LOC400499: variants seen among roughly 807,000 people sequenced by gnomAD.
the LOC400499 span, among the ~76,000 whole-genome samples, chr16:11,443,220 A>C: frequency 3.9e-3 from 579 of 149,902 alleles, 3 homozygotes; most frequent in Non-Finnish European, 5.6e-3. Flanking sequence ...GCTACTCGGG[A>C]GGCTGAGGCA....
the LOC400499 span, chr16:11,391,588 G>T: frequency 2.6e-6 from 3 of 1,171,466 alleles, no homozygotes; most frequent in Non-Finnish European, 3.2e-6. Context: ...ACAGGCCAAT[G>T]TGAGCGCTTA....
At chr16:11,501,647 T>A in the LOC400499 span, among the ~76,000 whole-genome samples, 1 of 151,984 alleles carries the variant, frequency 6.6e-6, no homozygotes, top group Non-Finnish European at 1.5e-5. Flanking sequence ...ATTGGGAGTC[T>A]CTTTACCCGC....
chr16:11,411,933 G>A, the LOC400499 span, among the ~76,000 whole-genome samples: 4 of 150,844 alleles, frequency 2.7e-5, no homozygotes, highest in Admixed American at 2.7e-4. Flanking sequence ...TGCCATCTCT[G>A]CTCACTGCAG....
chr16:11,519,579 A>G, the LOC400499 span, among the ~76,000 whole-genome samples: 1 of 152,106 alleles, frequency 6.6e-6, no homozygotes, highest in Non-Finnish European at 1.5e-5. Context: ...TCTATTTTTT[A>G]AAATAAATAA....
chr16:11,383,571 A>C, the LOC400499 span: 7 of 1,223,370 alleles, frequency 5.7e-6, no homozygotes, highest in Non-Finnish European at 6.1e-6. Context: ...AGAGAAAGGG[A>C]CTGGTTTTCC....
the LOC400499 span, among the ~76,000 whole-genome samples, chr16:11,436,525 G>A: frequency 2.0e-5 from 3 of 152,150 alleles, no homozygotes; most frequent in African/African-American, 7.2e-5. Flanking sequence ...CATCTGCAAA[G>A]CAGGTTTAGC....
the LOC400499 span, chr16:11,440,748 G>A: frequency 3.3e-5 from 13 of 398,884 alleles, no homozygotes; most frequent in Admixed American, 1.8e-4. Flanking sequence ...TGTGATTGAC[G>A]GCAGCTCGTG....
At chr16:11,448,033 C>T in the LOC400499 span, 1 of 1,536,036 alleles carries the variant, frequency 6.5e-7, no homozygotes, top group Admixed American at 2.0e-5. Context: ...GCCCTGGGCA[C>T]CAATCCGCAC....
chr16:11,507,978 T>C, the LOC400499 span, among the ~76,000 whole-genome samples: 1 of 152,134 alleles, frequency 6.6e-6, no homozygotes, highest in East Asian at 1.9e-4. Context: ...CAAAAAGATA[T>C]GTCCATGTCC....
At chr16:11,399,749 C>T in the LOC400499 span, 1 of 398,912 alleles carries the variant, frequency 2.5e-6, no homozygotes, top group Non-Finnish European at 4.4e-6. Flanking sequence ...GTGCTGTGTG[C>T]TAAGGACCCG....
At chr16:11,510,184 T>C in the LOC400499 span, among the ~76,000 whole-genome samples, 9 of 150,874 alleles carry the variant, frequency 6.0e-5, 1 homozygote, top group Admixed American at 2.0e-4. Context: ...GAATCCACAG[T>C]CCACACCTCC....
At chr16:11,444,113 T>C in the LOC400499 span, among the ~76,000 whole-genome samples, 3 of 152,126 alleles carry the variant, frequency 2.0e-5, no homozygotes, top group African/African-American at 7.2e-5. Flanking sequence ...AATGCTGGGA[T>C]TACATGTGTG....
At chr16:11,504,552 T>TCC in the LOC400499 span, among the ~76,000 whole-genome samples, 3 of 142,904 alleles carry the variant, frequency 2.1e-5, no homozygotes, top group South Asian at 2.2e-4. Flanking sequence ...CGAGACTCCG[T>TCC]CCCCCCCCCC....
At chr16:11,498,491 TA>T in the LOC400499 span, among the ~76,000 whole-genome samples, 1 of 113,320 alleles carries the variant, frequency 8.8e-6, no homozygotes, top group African/African-American at 3.4e-5. Flanking sequence ...CAAAAAATAA[TA>T]ATGATTAAAT....
At chr16:11,498,654 G>A in the LOC400499 span, among the ~76,000 whole-genome samples, 2 of 151,842 alleles carry the variant, frequency 1.3e-5, no homozygotes, top group African/African-American at 2.4e-5. Flanking sequence ...GCTCATGCAG[G>A]GCCTTGCTGA....
At chr16:11,498,495 G>A in the LOC400499 span, among the ~76,000 whole-genome samples, 1 of 78,972 alleles carries the variant, frequency 1.3e-5, no homozygotes, top group Admixed American at 1.6e-4. Flanking sequence ...AAATAATAAT[G>A]ATTAAATAAT....
chr16:11,504,901 C>T, the LOC400499 span, among the ~76,000 whole-genome samples: 1 of 151,660 alleles, frequency 6.6e-6, no homozygotes, highest in Admixed American at 6.6e-5. Context: ...CCAGCCTGGG[C>T]GAAAGAGCAA....
chr16:11,517,221 C>G, the LOC400499 span, among the ~76,000 whole-genome samples: 3 of 152,170 alleles, frequency 2.0e-5, no homozygotes, highest in African/African-American at 7.2e-5. Flanking sequence ...TTCCTAGAAA[C>G]CATCTACTCC....
the LOC400499 span, among the ~76,000 whole-genome samples, chr16:11,474,066 C>G: frequency 3.3e-5 from 5 of 152,170 alleles, no homozygotes; most frequent in Admixed American, 1.3e-4. Flanking sequence ...ACTATGTTAC[C>G]CAAGCTAGTC....
Sources: allele counts gnomAD v4.1 joint callset (sites outside exome capture counted in the v4.1 genomes callset), GRCh38; gene constraint gnomAD v4.1.1; transcripts MANE v1.5.